Variants in ADGRG5 observed in about 807,000 individuals in gnomAD.
ADGRG5 encodes G protein-coupled receptor 114.
A neutral mutation model predicts 53.2 loss-of-function variants in ADGRG5; 37 were observed. That is an observed-to-expected ratio of 0.70 (90% confidence interval 0.53 to 0.91). The LOEUF is 0.91. ADGRG5 is among the 40% of genes least tolerant of loss of function. The probability of loss-of-function intolerance (pLI) is 0.00; values close to 1 mark genes in which losing one functional copy is unlikely to be tolerated. For synonymous variants in ADGRG5, 277 were observed against 290.4 expected, an observed-to-expected ratio of 0.95 and a Z score of 0.47; for missense variants, 614 against 675.8, an observed-to-expected ratio of 0.91 and a Z score of 1.01.
At position 57,570,022 on chromosome 16, in the gene ADGRG5, A is replaced by G. The variant is rs1282526146; in HGVS notation, c.1091-396A>G. On this transcript the variant is annotated intron_variant, in intron 9 of 11. Transcript: ENST00000349457. ...CTTCACCACCATCACCACCTACTCC[A>G]CCTCCATCTCCACCATCATCACTTC... Among the ~76,000 whole-genome samples, 3 of 151,442 alleles carry G rather than the reference A, an allele frequency of 2.0e-5. No homozygotes were observed. The East Asian group carries it at 5.8e-4, about 29-fold the overall frequency.
upstream of ADGRG5, among the ~76,000 whole-genome samples, chr16:57,541,559 A>C (rs2032490547): frequency 6.6e-6 from 1 of 152,138 alleles, no homozygotes; most frequent in Admixed American, 6.5e-5. Flanking sequence ...AGCAGAGGCC[A>C]CTTGTACTAC....
upstream of ADGRG5, among the ~76,000 whole-genome samples, chr16:57,538,629 C>T (rs995015361): frequency 6.6e-6 from 1 of 152,152 alleles, no homozygotes; most frequent in Non-Finnish European, 1.5e-5. Context: ...AGGCGCCTCT[C>T]TGAATGCAAG....
In ADGRG5 at chr16:57,575,548, C is replaced by G. The variant is rs1166509725; in HGVS notation, c.*10C>G. 3 of 1,603,508 alleles carry G rather than the reference C, an allele frequency of 1.9e-6. No individual in the cohort carries two copies. The highest frequency in any genetic ancestry group is 1.7e-5 in the Admixed American group (1 of 59,994). ...CCAAACAACACAGTAGTCCGGGCCTCCTGGCCTGGAATCCTCAGCCTCTCT... is the reference window on the plus strand; with the variant it reads ...CCAAACAACACAGTAGTCCGGGCCTGCTGGCCTGGAATCCTCAGCCTCTCT... On this transcript the variant is annotated 3_prime_UTR_variant, in exon 12 of 12. Transcript: ENST00000349457.
At chr16:57,554,427 A>C (rs2032827240) in intron 1 of ADGRG5, among the ~76,000 whole-genome samples, 1 of 148,778 alleles carries the variant, frequency 6.7e-6, no homozygotes, top group Non-Finnish European at 1.5e-5. Flanking sequence ...CCCAGGTTGG[A>C]GTGCAGTGGC....
intron 10 of ADGRG5, among the ~76,000 whole-genome samples, chr16:57,573,541 C>T (rs1374659655): frequency 6.6e-6 from 1 of 151,810 alleles, no homozygotes; most frequent in African/African-American, 2.4e-5. Context: ...GAGCATAGGG[C>T]CTCAAGAGCC....
intron 5 of ADGRG5, among the ~76,000 whole-genome samples, chr16:57,564,820 G>A (rs993924145): frequency 1.3e-5 from 2 of 152,146 alleles, no homozygotes; most frequent in Non-Finnish European, 2.9e-5. Flanking sequence ...GGTGGAGCAG[G>A]GGGTGGTGAG....
chr16:57,558,289 C>T (rs1311268175), intron 1 of ADGRG5, among the ~76,000 whole-genome samples: 3 of 152,144 alleles, frequency 2.0e-5, no homozygotes, highest in South Asian at 4.1e-4. Context: ...TTTGTTGTTG[C>T]TATAGTTACC....
chr16:57,572,146 T>C (rs1482497349), intron 10 of ADGRG5, among the ~76,000 whole-genome samples: 1 of 151,522 alleles, frequency 6.6e-6, no homozygotes, highest in Non-Finnish European at 1.5e-5. Flanking sequence ...TCTCTTACTA[T>C]GTATATACAC....
intron 1 of ADGRG5, among the ~76,000 whole-genome samples, chr16:57,561,386 G>C (rs2032996634): frequency 6.6e-6 from 1 of 152,106 alleles, no homozygotes; most frequent in African/African-American, 2.4e-5. Flanking sequence ...AGGGTACAGG[G>C]TTTCCTGTAC....
chr16:57,529,211 C>A, the ADGRG5 span: 1 of 1,157,854 alleles, frequency 8.6e-7, no homozygotes. This position sits in a 1 kb window ranked among gnomAD's most constrained non-coding sequence, Gnocchi z 4.1. Context: ...CTCGAACTCG[C>A]GGTCGGGCTC....
chr16:57,535,675 T>C, the ADGRG5 span, among the ~76,000 whole-genome samples: 2 of 122,684 alleles, frequency 1.6e-5, no homozygotes, highest in Admixed American at 2.0e-4. Flanking sequence ...AACTCTTCAC[T>C]CTTGTACAGC....
chr16:57,539,841 C>T (rs1451793898), upstream of ADGRG5, among the ~76,000 whole-genome samples: 2 of 151,678 alleles, frequency 1.3e-5, no homozygotes, highest in African/African-American at 4.9e-5. Flanking sequence ...TATATCTTAC[C>T]ACAATAAAAC....
intron 7 of ADGRG5, among the ~76,000 whole-genome samples, chr16:57,567,179 C>T (rs983445168): frequency 6.6e-6 from 1 of 152,182 alleles, no homozygotes; most frequent in Admixed American, 6.5e-5. Flanking sequence ...GAGGGAGGGC[C>T]CTGCTTGACC....
In ADGRG5 at chr16:57,562,086, C is replaced by A. The variant is rs751234732; in HGVS notation, c.-8C>A. The A allele has an allele frequency of 6.4e-7, 1 of 1,551,990 alleles. No homozygotes were observed. Among genetic ancestry groups the A allele is most frequent in the Non-Finnish European group, 8.7e-7 (1 of 1,146,086 alleles). ...GAGCCAGTTCTTGGAGGAGACTCTG[C>A]ACAGGGCATGGATCACTGTGGTGCC... On this transcript the variant is annotated 5_prime_UTR_variant, in exon 2 of 12. Coordinates refer to ENST00000349457, the MANE Select transcript of ADGRG5 (RefSeq NM_001304376.3).
chr16:57,559,877 C>T (rs1382127245), intron 1 of ADGRG5, among the ~76,000 whole-genome samples: 1 of 152,052 alleles, frequency 6.6e-6, no homozygotes, highest in African/African-American at 2.4e-5. Context: ...ATTAAAAAAA[C>T]TCCTGTTCAA....
intron 9 of ADGRG5, among the ~76,000 whole-genome samples, chr16:57,568,990 TTCA>T (rs1481177751): frequency 1.4e-5 from 2 of 142,284 alleles, no homozygotes; most frequent in Admixed American, 1.4e-4. Context: ...CTCCTCCACC[TTCA>T]TCATCACCAT....
the ADGRG5 span, among the ~76,000 whole-genome samples, chr16:57,536,958 A>T: frequency 6.6e-6 from 1 of 152,074 alleles, no homozygotes; most frequent in Admixed American, 6.5e-5. Context: ...CACTGTTGTT[A>T]CCTGCATTTT....
chr16:57,569,036 T>C (rs1460754582), intron 9 of ADGRG5, among the ~76,000 whole-genome samples: 462 of 70,318 alleles, frequency 6.6e-3, no homozygotes, highest in Middle Eastern at 0.035. Flanking sequence ...ACCATCACCA[T>C]CTCCTCCACC....
chr16:57,549,610 T>A (rs1598093843), intron 1 of ADGRG5, among the ~76,000 whole-genome samples: 1 of 151,978 alleles, frequency 6.6e-6, no homozygotes, highest in African/African-American at 2.4e-5. Flanking sequence ...TGGAGAGGAG[T>A]TTTTGCATTT....
Sources: gnomAD v4.1 joint callset for allele counts (sites outside exome capture counted in the v4.1 genomes callset) on GRCh38, gnomAD v4.1.1 for gene constraint, Gnocchi (gnomAD v3.1) non-coding constraint, MANE v1.5 for transcripts, NCBI Gene and HGNC (gene_info 2026-07-23, HGNC 2026-07-21) for gene names.